SPATA16: variants seen among roughly 807,000 people sequenced by gnomAD.
SPATA16 encodes spermatogenesis associated 16.
Under a neutral mutation model 63.3 loss-of-function variants are expected in SPATA16, and 36 were observed. The observed-to-expected ratio is 0.57, with a 90% CI of 0.44 to 0.75. SPATA16 has a LOEUF of 0.75. SPATA16 is among the 30% of genes least tolerant of loss of function. SPATA16 has a pLI of 0.00. For synonymous variants in SPATA16, 203 were observed against 216.7 expected (o/e 0.94, Z 0.56); for missense variants, 646 against 679.3 (o/e 0.95, Z 0.54).
chr3:173,105,687 C>T (rs1737602954), intron 2 of SPATA16, among the ~76,000 whole-genome samples: 1 of 152,140 alleles, frequency 6.6e-6, no homozygotes, highest in South Asian at 2.1e-4. Context: ...ACTGGGCTTG[C>T]CAGCAGCCTT....
At chr3:173,111,536 A>T (rs1261658288) in intron 2 of SPATA16, among the ~76,000 whole-genome samples, 1 of 152,230 alleles carries the variant, frequency 6.6e-6, no homozygotes, top group Admixed American at 6.5e-5. Context: ...GAATTTGGTG[A>T]ACCCCCAAAT....
At chr3:173,006,953 A>G (rs1020188628) in intron 4 of SPATA16, among the ~76,000 whole-genome samples, 1 of 152,234 alleles carries the variant, frequency 6.6e-6, no homozygotes, top group Non-Finnish European at 1.5e-5. Flanking sequence ...TTGTTCAAAA[A>G]TGAATACTTT....
chr3:173,036,996 A>G (rs184803334), intron 3 of SPATA16, among the ~76,000 whole-genome samples: 2 of 152,174 alleles, frequency 1.3e-5, no homozygotes, highest in Admixed American at 1.3e-4. Flanking sequence ...CATAAGCAAA[A>G]ACCCTTTGGG....
rs189033948 is a variant in SPATA16 at position 172,993,395 on chromosome 3, T to G, written c.849-16343A>C. Among the ~76,000 whole-genome samples, 2 of 152,036 alleles carry G rather than the reference T, an allele frequency of 1.3e-5. 1 individual carries two copies. The highest frequency in any genetic ancestry group is 1.3e-4 in the Admixed American group (2 of 15,262). On this transcript the variant is annotated intron_variant, in intron 4 of 10. Coordinates refer to ENST00000351008, the MANE Select transcript of SPATA16 (RefSeq NM_031955.6). ...GTTTCCTTGATCAATGGCAAATAAA[T>G]CAAACATCTTGTGGGCAAGTGGGTG... is the stretch of plus-strand genomic sequence containing the variant.
intron 1 of SPATA16, among the ~76,000 whole-genome samples, chr3:173,128,066 G>A (rs1470896892): frequency 6.6e-6 from 1 of 152,056 alleles, no homozygotes; most frequent in Non-Finnish European, 1.5e-5. Flanking sequence ...GGAATCACAG[G>A]GCAAATCTGT....
At chr3:172,992,761 C>A (rs1734608782) in intron 4 of SPATA16, among the ~76,000 whole-genome samples, 1 of 152,012 alleles carries the variant, frequency 6.6e-6, no homozygotes, top group African/African-American at 2.4e-5. Context: ...CAAATGGGAT[C>A]CATTTTCGCT....
intron 6 of SPATA16, among the ~76,000 whole-genome samples, chr3:172,943,521 C>T (rs1449586555): frequency 6.6e-6 from 1 of 152,168 alleles, no homozygotes; most frequent in Non-Finnish European, 1.5e-5. Context: ...GGGCAAATCA[C>T]TTGAGGTCAG....
At chr3:173,000,347 G>A (rs1734788257) in intron 4 of SPATA16, among the ~76,000 whole-genome samples, 1 of 152,168 alleles carries the variant, frequency 6.6e-6, no homozygotes, top group African/African-American at 2.4e-5. Context: ...AACCCAAATA[G>A]ACTGAGATAG....
chr3:172,966,131 C>A (rs1215551021), intron 5 of SPATA16, among the ~76,000 whole-genome samples: 1 of 151,990 alleles, frequency 6.6e-6, no homozygotes, highest in Non-Finnish European at 1.5e-5. Context: ...CATTATATAC[C>A]TATATATGTT....
intron 6 of SPATA16, among the ~76,000 whole-genome samples, chr3:172,955,193 G>A (rs1733540478): frequency 1.3e-5 from 2 of 152,128 alleles, no homozygotes; most frequent in African/African-American, 4.8e-5. Context: ...CTTCATGACT[G>A]CTCTGTGAAA....
chr3:172,925,581 TG>T (rs2109578942), intron 6 of SPATA16, 89 bp from the exon 7 acceptor site: 1 of 1,516,470 alleles, frequency 6.6e-7, no homozygotes, highest in African/African-American at 1.4e-5. Flanking sequence ...GAATTGTACT[TG>T]GAAAAAATAA....
At chr3:172,985,719 T>C (rs748156471) in intron 4 of SPATA16, among the ~76,000 whole-genome samples, 8 of 152,136 alleles carry the variant, frequency 5.3e-5, no homozygotes, top group Non-Finnish European at 8.8e-5. Flanking sequence ...GGTTTTTTAT[T>C]TGGTTGGGGA....
chr3:173,138,705 T>G (rs1039212397), intron 1 of SPATA16, among the ~76,000 whole-genome samples: 10 of 152,204 alleles, frequency 6.6e-5, no homozygotes, highest in African/African-American at 2.4e-4. Flanking sequence ...ATTTTCCACT[T>G]CTTGTGCAAT....
intron 10 of SPATA16, among the ~76,000 whole-genome samples, chr3:172,903,731 T>C (rs1732174892): frequency 6.6e-6 from 1 of 152,072 alleles, no homozygotes; most frequent in Admixed American, 6.5e-5. Context: ...TAACATGATA[T>C]GTCTACAAAG....
At chr3:173,096,508 T>G (rs944026653) in intron 2 of SPATA16, among the ~76,000 whole-genome samples, 6 of 152,114 alleles carry the variant, frequency 3.9e-5, no homozygotes, top group African/African-American at 1.4e-4. Flanking sequence ...GAAATGCAGA[T>G]TTGTCTTACA....
At chr3:172,951,125 C>G (rs1733419937) in intron 6 of SPATA16, among the ~76,000 whole-genome samples, 1 of 151,916 alleles carries the variant, frequency 6.6e-6, no homozygotes, top group African/African-American at 2.4e-5. Flanking sequence ...TTTATATACC[C>G]TGACTACTCT....
intron 4 of SPATA16, among the ~76,000 whole-genome samples, chr3:172,984,687 GATT>G (rs1734400966): frequency 6.6e-6 from 1 of 152,132 alleles, no homozygotes; most frequent in South Asian, 2.1e-4. Context: ...AGATTCTGAT[GATT>G]ATTGGAGTTC....
At chr3:173,010,017 G>C (rs1186680931) in intron 4 of SPATA16, among the ~76,000 whole-genome samples, 1 of 152,114 alleles carries the variant, frequency 6.6e-6, no homozygotes, top group African/African-American at 2.4e-5. Flanking sequence ...TGACCAGTCT[G>C]ATTGGTTGTG....
intron 2 of SPATA16, among the ~76,000 whole-genome samples, chr3:173,106,543 T>C (rs537626641): frequency 5.3e-4 from 80 of 152,300 alleles, no homozygotes; most frequent in Non-Finnish European, 1.8e-4. Flanking sequence ...TTTATGTCCT[T>C]TGCTGATTCC....
Sources: allele counts gnomAD v4.1 joint callset (sites outside exome capture counted in the v4.1 genomes callset), GRCh38; gene constraint gnomAD v4.1.1; transcripts MANE v1.5; gene names NCBI Gene and HGNC (gene_info 2026-07-23, HGNC 2026-07-21).